Variants in SPAG6 observed in about 807,000 individuals in gnomAD.
The protein encoded by SPAG6 is sperm associated antigen 6, also known as sperm-associated antigen 6.
SPAG6 carries 49 observed loss-of-function variants against 58.5 expected under a neutral mutation model. The observed-to-expected ratio is 0.84, with a 90% CI of 0.67 to 1.06. The LOEUF (loss-of-function observed/expected upper bound fraction) is 1.06, where lower values mean the gene tolerates loss of function less well. SPAG6 is among the 50% of genes least tolerant of loss of function. The pLI is 0.00. For synonymous variants in SPAG6, 233 were observed against 225.6 expected, an observed-to-expected ratio of 1.03 and a Z score of -0.29; for missense variants, 560 against 611.3, an observed-to-expected ratio of 0.92 and a Z score of 0.89.
intron 2 of SPAG6, among the ~76,000 whole-genome samples, chr10:22,354,344 T>C (rs565968764): frequency 1.3e-5 from 2 of 152,264 alleles, no homozygotes; most frequent in South Asian, 4.1e-4. Flanking sequence ...CCTGGACTTC[T>C]GGTTGCTTGG....
At chr10:22,350,349 A>G (rs182394452) in intron 2 of SPAG6, among the ~76,000 whole-genome samples, 2 of 152,300 alleles carry the variant, frequency 1.3e-5, no homozygotes, top group African/African-American at 4.8e-5. Context: ...CTACATGGAC[A>G]TTGATCTGTT....
intron 4 of SPAG6, among the ~76,000 whole-genome samples, chr10:22,380,542 A>G (rs998139300): frequency 6.6e-6 from 1 of 152,072 alleles, no homozygotes; most frequent in Non-Finnish European, 1.5e-5. Flanking sequence ...CCTGGCTTCA[A>G]GCAATCTGCC....
chr10:22,386,465 A>G (rs1002025041), intron 4 of SPAG6, among the ~76,000 whole-genome samples: 2 of 151,488 alleles, frequency 1.3e-5, no homozygotes, highest in African/African-American at 2.4e-5. Context: ...TAAACAGCTG[A>G]CATCTGCTTA....
At chr10:22,387,041 A>T (rs1396168803) in intron 5 of SPAG6, 82 bp downstream of exon 5, 2 of 1,050,034 alleles carry the variant, frequency 1.9e-6, no homozygotes, top group Non-Finnish European at 2.9e-6. Flanking sequence ...AATATTTTGC[A>T]TCTAAAAATA....
chr10:22,402,356 C>T (rs1433206875), intron 9 of SPAG6, among the ~76,000 whole-genome samples: 1 of 152,140 alleles, frequency 6.6e-6, no homozygotes, highest in Admixed American at 6.6e-5. Context: ...TGAGATATTA[C>T]TCTTCATACA....
intron 9 of SPAG6, among the ~76,000 whole-genome samples, chr10:22,405,192 A>G (rs1834520535): frequency 1.3e-5 from 2 of 151,870 alleles, no homozygotes; most frequent in Admixed American, 6.6e-5. Flanking sequence ...GAGTGGTGAG[A>G]GAGGGCATCC....
At position 22,345,800 on chromosome 10, in the gene SPAG6, G is replaced by A. The variant is rs1388788249; in HGVS notation, c.103G>A (p.Glu35Lys). ...GCTGGCGACTAGACCCCAAAACATC[G>A]AGACGCTGCAGAACGCGGGTGAGCC... ...AELATRPQNI[E>K]TLQNAGVMSL... The change falls in exon 2 of 11, where the codon GAG becomes AAG. Residue 35 changes from glutamate to lysine, a missense_variant. Coordinates refer to ENST00000376624, the MANE Select transcript of SPAG6 (RefSeq NM_012443.4). The surrounding 1 kb of genome is among the most constrained non-coding windows in gnomAD (Gnocchi z 6.3). 1 of 1,613,376 alleles carries A rather than the reference G, an allele frequency of 6.2e-7. No individual in the cohort carries two copies. The highest frequency in any genetic ancestry group is 1.7e-5 in the Admixed American group (1 of 59,972).
At chr10:22,360,928 A>G (rs1189465032) in intron 2 of SPAG6, 1 of 874,956 alleles carries the variant, frequency 1.1e-6, no homozygotes, top group Non-Finnish European at 1.8e-6. Context: ...CACCATTTTT[A>G]TGCAGTTTCC....
intron 9 of SPAG6, among the ~76,000 whole-genome samples, chr10:22,408,856 C>T (rs112417722): frequency 3.9e-5 from 6 of 152,336 alleles, no homozygotes; most frequent in Admixed American, 2.0e-4. Flanking sequence ...TTTTTTAAGC[C>T]GATTGGAAAA....
intron 6 of SPAG6, among the ~76,000 whole-genome samples, chr10:22,388,416 A>G (rs943468264): frequency 2.6e-5 from 4 of 152,124 alleles, no homozygotes; most frequent in Non-Finnish European, 5.9e-5. Context: ...GAACTTTGCC[A>G]TCCTTACAAT....
At chr10:22,352,812 A>G (rs957575709) in intron 2 of SPAG6, among the ~76,000 whole-genome samples, 5 of 152,240 alleles carry the variant, frequency 3.3e-5, no homozygotes, top group Non-Finnish European at 7.3e-5. Flanking sequence ...CCCAGCAACA[A>G]AATATTTATT....
intron 2 of SPAG6, among the ~76,000 whole-genome samples, chr10:22,349,207 T>C (rs1836649851): frequency 6.6e-6 from 1 of 151,834 alleles, no homozygotes; most frequent in Non-Finnish European, 1.5e-5. Context: ...AAAGCATCTA[T>C]AACCTTGAGG....
At chr10:22,349,899 C>T (rs2132027392) in intron 2 of SPAG6, among the ~76,000 whole-genome samples, 1 of 152,148 alleles carries the variant, frequency 6.6e-6, no homozygotes, top group South Asian at 2.1e-4. Flanking sequence ...AGGGTAAAAG[C>T]TCCAGATTAA....
chr10:22,372,781 G>T (rs1185545943), intron 4 of SPAG6, among the ~76,000 whole-genome samples: 6 of 151,212 alleles, frequency 4.0e-5, no homozygotes, highest in Admixed American at 2.6e-4. Context: ...AAAAAAAAGT[G>T]TTTCTTTGTG....
At chr10:22,402,555 A>C (rs1172690582) in intron 9 of SPAG6, among the ~76,000 whole-genome samples, 1 of 152,194 alleles carries the variant, frequency 6.6e-6, no homozygotes, top group Non-Finnish European at 1.5e-5. Context: ...AGCCACAGGA[A>C]AGTAGAAGTT....
chr10:22,412,467 G>C, intron 10 of SPAG6: 1 of 1,530,936 alleles, frequency 6.5e-7, no homozygotes, highest in Non-Finnish European at 8.7e-7. Flanking sequence ...AGAGTTGCAA[G>C]TTTGTGCACT....
intron 2 of SPAG6, among the ~76,000 whole-genome samples, chr10:22,364,478 T>C (rs1837136666): frequency 1.3e-5 from 2 of 152,192 alleles, no homozygotes; most frequent in South Asian, 4.1e-4. Context: ...CCTTGAAATA[T>C]AAGATTTGCA....
chr10:22,364,954 C>T lies in SPAG6; in HGVS notation c.223C>T (p.Leu75=), dbSNP rs761004602. The T allele has an allele frequency of 7.4e-6, 12 of 1,613,114 alleles. No homozygotes were observed. The highest frequency in any genetic ancestry group is 1.6e-4 in the Middle Eastern group (1 of 6,080). Residue 75 remains leucine (L), a synonymous_variant, in exon 3 of 11, where the codon CTA becomes TTA. Transcript: ENST00000376624. ...LGRLANYNDD[L]AEAVVKCDIL... is the part of the protein sequence containing the mutation. ...GAGACTGGCCAATTATAATGATGAC[C>T]TAGCAGAAGCTGTTGTGAAGTGCGA... is the stretch of plus-strand genomic sequence containing the variant.
At chr10:22,414,211 A>T (rs7086239) in intron 10 of SPAG6, among the ~76,000 whole-genome samples, 25,595 of 152,106 alleles carry the variant, frequency 0.17, 6,434 homozygotes, top group African/African-American at 0.55. Context: ...ATTCAGCATA[A>T]TTCTGGTATC....
Sources: allele counts gnomAD v4.1 joint callset (sites outside exome capture counted in the v4.1 genomes callset), GRCh38; gene constraint gnomAD v4.1.1; non-coding constraint Gnocchi (gnomAD v3.1); transcripts MANE v1.5; gene names NCBI Gene and HGNC (gene_info 2026-07-23, HGNC 2026-07-21).